Variants in DAB1 observed in about 807,000 individuals in gnomAD.
DAB1 encodes the protein disabled homolog 1.
DAB1 carries 15 observed loss-of-function variants against 64.6 expected under a neutral mutation model. That is an observed-to-expected ratio of 0.23 (90% CI 0.16 to 0.36). DAB1 has a LOEUF of 0.36. Among genes scored for constraint, DAB1 ranks in the 10% least tolerant of loss-of-function variants. The pLI is 1.00. For synonymous variants in DAB1, 235 were observed against 251.9 expected (o/e 0.93, Z 0.64); for missense variants, 596 against 706.7 (o/e 0.84, Z 1.78).
At chr1:58,147,087 A>G (rs1044296435) in intron 5 of DAB1, among the ~76,000 whole-genome samples, 2 of 152,008 alleles carry the variant, frequency 1.3e-5, no homozygotes, top group African/African-American at 4.8e-5. Flanking sequence ...TGGGCAGATC[A>G]CTGGAGGTCA....
At chr1:58,284,626 G>T (rs1316087492) in intron 4 of DAB1, among the ~76,000 whole-genome samples, 1 of 152,260 alleles carries the variant, frequency 6.6e-6, no homozygotes, top group African/African-American at 2.4e-5. Flanking sequence ...TCTTCTCAAA[G>T]TCGTTTCAGT....
chr1:57,686,415 C>G (rs926903890), intron 6 of DAB1, among the ~76,000 whole-genome samples: 1 of 151,954 alleles, frequency 6.6e-6, no homozygotes, highest in Admixed American at 6.6e-5. Context: ...AAAAACCTAC[C>G]AACCAGAAAA....
At chr1:58,430,035 A>C (rs1480767570) in intron 3 of DAB1, among the ~76,000 whole-genome samples, 2 of 152,184 alleles carry the variant, frequency 1.3e-5, no homozygotes, top group Non-Finnish European at 2.9e-5. Context: ...CTCTTATATA[A>C]GGGCACTAAT....
chr1:58,429,379 G>C (rs1393669001), intron 3 of DAB1, among the ~76,000 whole-genome samples: 1 of 152,190 alleles, frequency 6.6e-6, no homozygotes, highest in East Asian at 1.9e-4. Flanking sequence ...ATGTTCGAGA[G>C]CACTTCAACC....
intron 7 of DAB1, among the ~76,000 whole-genome samples, chr1:57,472,517 A>T (rs1024916533): frequency 1.3e-5 from 2 of 152,234 alleles, no homozygotes; most frequent in Non-Finnish European, 2.9e-5. Context: ...CTAATCGGTT[A>T]TGTTATCTAT....
intron 4 of DAB1, among the ~76,000 whole-genome samples, chr1:58,305,462 T>C (rs1186130130): frequency 6.6e-6 from 1 of 152,202 alleles, no homozygotes; most frequent in East Asian, 1.9e-4. Context: ...TGTGGTAATA[T>C]TGTTTTTTCT....
rs561779982 is a variant in DAB1, at chr1:58,503,262, G to A, written n.257+2798C>T. 7.2e-5 allele frequency among the ~76,000 whole-genome samples: 11 copies of A among 152,192 alleles called. No homozygotes were observed. The East Asian group carries it at 1.7e-3, about 24-fold the overall frequency. On this transcript the variant is annotated intron_variant and non_coding_transcript_variant, in intron 3 of 20. Coordinates refer to the DAB1 transcript ENST00000485760. ...TAGAGACAGGCCCAGGCCTCCCAGGGTGCGATAAAGTCCCAGGGGCCTTGG... is the reference window on the plus strand; with the variant it reads ...TAGAGACAGGCCCAGGCCTCCCAGGATGCGATAAAGTCCCAGGGGCCTTGG...
intron 6 of DAB1, among the ~76,000 whole-genome samples, chr1:57,729,235 G>A (rs1386327149): frequency 1.3e-5 from 2 of 152,238 alleles, no homozygotes; most frequent in Non-Finnish European, 2.9e-5. Flanking sequence ...TTATTTGGAT[G>A]CAGAATGCGC....
intron 4 of DAB1, among the ~76,000 whole-genome samples, chr1:57,121,237 G>A (rs1402607104): frequency 6.6e-6 from 1 of 151,414 alleles, no homozygotes; most frequent in Non-Finnish European, 1.5e-5. Context: ...GGAAGAAGAA[G>A]AGGAAGAGGA....
At chr1:57,141,994 C>T (rs61765328) in intron 3 of DAB1, among the ~76,000 whole-genome samples, 1,535 of 152,290 alleles carry the variant, frequency 0.01, 28 homozygotes, top group East Asian at 0.056. Context: ...CTCTGACCCT[C>T]AGATTTCTTC....
intron 6 of DAB1, among the ~76,000 whole-genome samples, chr1:57,731,402 A>G (rs1353557506): frequency 6.6e-6 from 1 of 152,186 alleles, no homozygotes; most frequent in African/African-American, 2.4e-5. Context: ...GAAGGTGGTG[A>G]TGGTCACACA....
intron 6 of DAB1, among the ~76,000 whole-genome samples, chr1:57,688,712 A>G (rs1646729360): frequency 6.6e-6 from 1 of 152,220 alleles, no homozygotes; most frequent in Non-Finnish European, 1.5e-5. Flanking sequence ...TGGTACATAT[A>G]TACCATGAAA....
At chr1:58,458,380 AG>A (rs2100306594) in intron 3 of DAB1, among the ~76,000 whole-genome samples, 1 of 152,314 alleles carries the variant, frequency 6.6e-6, no homozygotes, top group Admixed American at 6.5e-5. Context: ...CCCATTTTAG[AG>A]AGGTGGAAAC....
chr1:57,616,743 G>A (rs1645794709), intron 7 of DAB1, among the ~76,000 whole-genome samples: 1 of 152,136 alleles, frequency 6.6e-6, no homozygotes, highest in African/African-American at 2.4e-5. Context: ...TGGGTCTACA[G>A]GGTATTTTGA....
chr1:57,840,024 GT>G (rs1450264420), intron 1 of DAB1, among the ~76,000 whole-genome samples: 1 of 152,188 alleles, frequency 6.6e-6, no homozygotes, highest in Non-Finnish European at 1.5e-5. Context: ...ATATAAAATT[GT>G]TTTATTGTTG....
intron 5 of DAB1, chr1:58,048,880 C>T (rs1409304079): frequency 1.1e-6 from 1 of 927,858 alleles, no homozygotes; most frequent in East Asian, 2.4e-5. Context: ...CTGCCTCAGT[C>T]AGTCATGATT....
chr1:58,177,243 C>T (rs1656534812), intron 4 of DAB1, among the ~76,000 whole-genome samples: 1 of 152,204 alleles, frequency 6.6e-6, no homozygotes, highest in Non-Finnish European at 1.5e-5. Context: ...GAGCTGCCCA[C>T]TGTGGGCTAT....
intron 2 of DAB1, among the ~76,000 whole-genome samples, chr1:57,192,658 T>C (rs1237228978): frequency 6.6e-6 from 1 of 152,204 alleles, no homozygotes; most frequent in Non-Finnish European, 1.5e-5. Flanking sequence ...ACCTGCACCA[T>C]GGCAGCCTTT....
chr1:57,796,089 A>G (rs1195541178), intron 6 of DAB1, among the ~76,000 whole-genome samples: 1 of 152,074 alleles, frequency 6.6e-6, no homozygotes, highest in East Asian at 1.9e-4. Context: ...TCTAAGTCTA[A>G]TCTGGGCTCC....
Sources: gnomAD v4.1 joint callset for allele counts (sites outside exome capture counted in the v4.1 genomes callset) on GRCh38, gnomAD v4.1.1 for gene constraint, MANE v1.5 for transcripts, NCBI Gene and HGNC (gene_info 2026-07-23, HGNC 2026-07-21) for gene names.